NCOA1: variants seen among roughly 807,000 people sequenced by gnomAD.
The protein encoded by NCOA1 is Hin-2 protein.
In NCOA1, 35 loss-of-function variants were observed where a neutral mutation model predicts 150.9. The ratio of observed to expected loss-of-function variants is 0.23; its 90% confidence interval spans 0.18 to 0.31. NCOA1 has a LOEUF of 0.31. NCOA1 is among the 10% of genes least tolerant of loss of function. The pLI is 1.00. For synonymous variants in NCOA1, 590 were observed against 630.0 expected (o/e 0.94, Z 0.95); for missense variants, 1,491 against 1,749.3 (o/e 0.85, Z 2.63).
intron 17 of NCOA1, among the ~76,000 whole-genome samples, chr2:24,733,663 G>A (rs1392309073): frequency 6.6e-6 from 1 of 152,168 alleles, no homozygotes; most frequent in Non-Finnish European, 1.5e-5. Flanking sequence ...AGAATTGCTT[G>A]AAACTGGGAG....
At chr2:24,570,181 A>G (rs757910804) in intron 2 of NCOA1, among the ~76,000 whole-genome samples, 1 of 151,006 alleles carries the variant, frequency 6.6e-6, no homozygotes, top group Non-Finnish European at 1.5e-5. Context: ...CTGATTTATG[A>G]TTTATAATTA....
At chr2:24,623,358 T>A (rs1208125001) in intron 3 of NCOA1, among the ~76,000 whole-genome samples, 2 of 152,208 alleles carry the variant, frequency 1.3e-5, no homozygotes, top group Admixed American at 6.5e-5. Context: ...CAGCCCAGCT[T>A]ATATGGATTA....
intron 4 of NCOA1, among the ~76,000 whole-genome samples, chr2:24,656,711 T>C (rs954507361): frequency 6.6e-6 from 1 of 152,242 alleles, no homozygotes; most frequent in African/African-American, 2.4e-5. Flanking sequence ...AGTGAGAATA[T>C]GCAGTGTTTG....
chr2:24,691,807 C>T lies in NCOA1; in HGVS notation c.712+147C>T, dbSNP rs954000577. Reference sequence around the variant, plus strand: ...GTGGCTATTCCATTTGCTATATATTCTTAATACTTAAAAAACAATAATTAC... The same window carrying T: ...GTGGCTATTCCATTTGCTATATATTTTTAATACTTAAAAAACAATAATTAC... On this transcript the variant is annotated intron_variant, in intron 9 of 22. Transcript: ENST00000348332. The T allele has an allele frequency of 8.8e-6, 6 of 681,166 alleles. No individual in the cohort carries two copies. The African/African-American group carries it at 1.1e-4, about 12-fold the overall frequency. 42.2% of individuals were successfully genotyped at this position (681,166 alleles called of 1,614,324 possible). A position where few individuals can be genotyped will look rare whatever the true frequency, so the allele number is the denominator to read the frequency against.
intron 1 of NCOA1, among the ~76,000 whole-genome samples, chr2:24,550,766 T>G (rs1429721912): frequency 6.6e-6 from 1 of 152,226 alleles, no homozygotes; most frequent in Non-Finnish European, 1.5e-5. Context: ...ATCACTTGTT[T>G]TGTACAGTTT....
chr2:24,656,233 C>G (rs1358671961), intron 4 of NCOA1, among the ~76,000 whole-genome samples: 1 of 152,078 alleles, frequency 6.6e-6, no homozygotes, highest in East Asian at 1.9e-4. Context: ...GAGACTTTGC[C>G]CAAGGACAGG....
intron 1 of NCOA1, among the ~76,000 whole-genome samples, chr2:24,562,090 G>GA (rs1315308504): frequency 6.6e-6 from 1 of 152,010 alleles, no homozygotes; most frequent in East Asian, 1.9e-4. Flanking sequence ...TAAAGGGGGA[G>GA]AAATTTCAAA....
intron 1 of NCOA1, among the ~76,000 whole-genome samples, chr2:24,516,337 C>T (rs370909752): frequency 2.6e-4 from 40 of 151,688 alleles, no homozygotes; most frequent in African/African-American, 8.2e-4. Context: ...GGACTACAGG[C>T]GCCCGCTACC....
At chr2:24,609,012 C>A (rs773787878) in intron 3 of NCOA1, among the ~76,000 whole-genome samples, 2 of 152,126 alleles carry the variant, frequency 1.3e-5, no homozygotes, top group Non-Finnish European at 2.9e-5. Context: ...GTTAAATTAA[C>A]CTCCATCACT....
intron 3 of NCOA1, among the ~76,000 whole-genome samples, chr2:24,592,578 A>ATTTTTTTTTTTTTTTT (rs145333073): frequency 9.7e-6 from 1 of 103,492 alleles, no homozygotes; most frequent in African/African-American, 3.7e-5. Flanking sequence ...TCCCCTCCTA[A>ATTTTTTTTTTTTTTTT]TTTTTTTTTT....
At chr2:24,523,605 CAAAA>C (rs979559677) in intron 1 of NCOA1, among the ~76,000 whole-genome samples, 377 of 17,688 alleles carry the variant, frequency 0.021, 3 homozygotes, top group African/African-American at 0.045. Flanking sequence ...GACTCCGTCT[CAAAA>C]AAAAAAAAAA....
At chr2:24,528,749 G>A (rs913107043) in intron 1 of NCOA1, among the ~76,000 whole-genome samples, 1 of 152,142 alleles carries the variant, frequency 6.6e-6, no homozygotes, top group African/African-American at 2.4e-5. Context: ...AATACAGCAA[G>A]TACTAATGTA....
chr2:24,675,334 T>C (rs1671856016), intron 7 of NCOA1, among the ~76,000 whole-genome samples: 2 of 152,238 alleles, frequency 1.3e-5, no homozygotes, highest in Non-Finnish European at 2.9e-5. Context: ...GAAATCAAAA[T>C]ATCTTAAGGA....
At chr2:24,738,297 A>G (rs1261247527) in intron 17 of NCOA1, among the ~76,000 whole-genome samples, 1 of 151,526 alleles carries the variant, frequency 6.6e-6, no homozygotes, top group African/African-American at 2.4e-5. Context: ...ATAAGTATAT[A>G]TAATTTGTGT....
intron 1 of NCOA1, among the ~76,000 whole-genome samples, chr2:24,536,767 G>A (rs1442394866): frequency 6.6e-6 from 1 of 152,086 alleles, no homozygotes; most frequent in African/African-American, 2.4e-5. Flanking sequence ...TGTTTGTGTG[G>A]GTCTCACCAG....
chr2:24,550,642 C>T (rs759102198), intron 1 of NCOA1, among the ~76,000 whole-genome samples: 1 of 152,180 alleles, frequency 6.6e-6, no homozygotes, highest in Non-Finnish European at 1.5e-5. Flanking sequence ...ACAGCCAAAC[C>T]ATATCAGATA....
chr2:24,717,095 A>G (rs1046317645), intron 14 of NCOA1, among the ~76,000 whole-genome samples: 1 of 152,196 alleles, frequency 6.6e-6, no homozygotes, highest in Non-Finnish European at 1.5e-5. Flanking sequence ...GAAAATTGCA[A>G]ATTAAAACAA....
intron 2 of NCOA1, among the ~76,000 whole-genome samples, chr2:24,577,743 A>G (rs1667049338): frequency 6.6e-6 from 1 of 152,194 alleles, no homozygotes. Flanking sequence ...AGTGTCTTCC[A>G]GCTCTGATAA....
chr2:24,557,845 T>G (rs769683644), intron 1 of NCOA1, among the ~76,000 whole-genome samples: 1 of 152,062 alleles, frequency 6.6e-6, no homozygotes, highest in Non-Finnish European at 1.5e-5. Context: ...ATCTTTGTTC[T>G]TTGTGATATT....
Sources: allele counts gnomAD v4.1 joint callset (sites outside exome capture counted in the v4.1 genomes callset), GRCh38; gene constraint gnomAD v4.1.1; transcripts MANE v1.5; gene names NCBI Gene and HGNC (gene_info 2026-07-23, HGNC 2026-07-21).